AGPAT5: variants seen among roughly 807,000 people sequenced by gnomAD.
AGPAT5 encodes the protein 1-acylglycerol-3-phosphate O-acyltransferase 5, also known as 1-acyl-sn-glycerol-3-phosphate acyltransferase epsilon.
In AGPAT5, 46 loss-of-function variants were observed where a neutral mutation model predicts 45.6. The observed-to-expected ratio is 1.01, with a 90% CI of 0.80 to 1.29. The LOEUF (loss-of-function observed/expected upper bound fraction) is 1.29. AGPAT5 is among the 50% of genes most tolerant of loss of function. The pLI, the probability that AGPAT5 is intolerant of heterozygous loss-of-function variation, is 0.00. For missense variants in AGPAT5, 673 were observed against 450.7 expected (o/e 1.49, Z -4.47); for synonymous variants, 272 against 167.0 (o/e 1.63, Z -4.85).
chr8:6,731,447 A>G (rs965491661), intron 3 of AGPAT5, among the ~76,000 whole-genome samples: 1 of 152,226 alleles, frequency 6.6e-6, no homozygotes, highest in Non-Finnish European at 1.5e-5. Flanking sequence ...TCTCTAGATT[A>G]CTTATAATAT....
chr8:6,718,048 T>C (rs998987554), intron 1 of AGPAT5, among the ~76,000 whole-genome samples: 3 of 152,210 alleles, frequency 2.0e-5, no homozygotes, highest in Admixed American at 1.3e-4. Flanking sequence ...TGGAATACTT[T>C]TTGTCATGCT....
chr8:6,717,853 T>C (rs1309496615), intron 1 of AGPAT5, among the ~76,000 whole-genome samples: 1 of 152,266 alleles, frequency 6.6e-6, no homozygotes, highest in Non-Finnish European at 1.5e-5. Context: ...AAGCTTCTAA[T>C]ATATGAGAAG....
chr8:6,728,769 T>G (rs1800771797), intron 2 of AGPAT5, among the ~76,000 whole-genome samples: 1 of 152,226 alleles, frequency 6.6e-6, no homozygotes, highest in Non-Finnish European at 1.5e-5. Flanking sequence ...GTCTGCTTAC[T>G]TTTGCATTTG....
chr8:6,748,270 A>G (rs1801545634), intron 6 of AGPAT5, among the ~76,000 whole-genome samples: 1 of 152,088 alleles, frequency 6.6e-6, no homozygotes, highest in African/African-American at 2.4e-5. Flanking sequence ...TTTTTCCCCA[A>G]ACATGTTAGG....
At chr8:6,751,023 A>C (rs1297713458) in intron 6 of AGPAT5, among the ~76,000 whole-genome samples, 1 of 149,594 alleles carries the variant, frequency 6.7e-6, no homozygotes, top group Admixed American at 6.7e-5. Context: ...GCTTGAAAAA[A>C]CTCTGCTTTC....
rs955806081 is a variant in AGPAT5, at chr8:6,760,542, A to G, written c.*3154A>G. ...TTTGTGTGTATAATTGCAAGCGCATAGTAAAATAATTTTAACCTTAATTTG... is the reference window on the plus strand; with the variant it reads ...TTTGTGTGTATAATTGCAAGCGCATGGTAAAATAATTTTAACCTTAATTTG... On this transcript the variant is annotated 3_prime_UTR_variant, in exon 8 of 8. Transcript: ENST00000285518. Among the ~76,000 whole-genome samples the G allele has an allele frequency of 6.6e-6, 1 of 152,276 alleles. No homozygotes were observed. Among genetic ancestry groups the G allele is most frequent in the African/African-American group, 2.4e-5 (1 of 41,480 alleles).
chr8:6,757,306 C>T lies in AGPAT5; in HGVS notation c.1013C>T (p.Thr338Ile), dbSNP rs1801877992. ...LSGLTAGMLM[T>I]DAGRKLYVNT... ...GGTTTGACTGCAGGCATGCTTATGA[C>T]CGATGCTGGAAGGAAGCTGTATGTG... Residue 338 changes from threonine (T) to isoleucine (I), a missense_variant, in exon 8 of 8, where the codon ACC (threonine) becomes ATC (isoleucine). Coordinates refer to ENST00000285518, the MANE Select transcript of AGPAT5 (RefSeq NM_018361.5). 2 of 1,614,050 alleles carry T rather than the reference C, an allele frequency of 1.2e-6. No individual in the cohort carries two copies. Among genetic ancestry groups the T allele is most frequent in the African/African-American group, 1.3e-5 (1 of 74,920 alleles).
chr8:6,754,595 G>A (rs1411808155), intron 6 of AGPAT5, among the ~76,000 whole-genome samples: 3 of 152,072 alleles, frequency 2.0e-5, no homozygotes, highest in South Asian at 2.1e-4. Flanking sequence ...GCTTCCTCTC[G>A]GCCCCTGTGG....
Position 6,724,875 on chromosome 8 carries a change from G to A in AGPAT5, c.225G>A (p.Leu75=), listed in dbSNP as rs765469380. The A allele has an allele frequency of 6.9e-6, 7 of 1,017,786 alleles. No individual in the cohort carries two copies. In the East Asian group the frequency reaches 2.1e-4, roughly 31 times the overall value. The allele number at this position is 1,017,786 out of a possible 1,614,324, so 63.0% of individuals were successfully genotyped here. A position where few individuals can be genotyped will look rare whatever the true frequency, so the allele number is the denominator to read the frequency against. Residue 75 remains leucine (L), a synonymous_variant, in exon 2 of 8, where the codon TTG becomes TTA. Transcript: ENST00000285518. ...TTTTTTGTTTTATCTTTTAGATATTGCTATATGGAGATTTGCCAAAAAATA... is the reference window on the plus strand; with the variant it reads ...TTTTTTGTTTTATCTTTTAGATATTACTATATGGAGATTTGCCAAAAAATA... ...FFENYTGVQI[L]LYGDLPKNKE... is the part of the protein sequence containing the mutation.
Position 6,747,756 on chromosome 8 carries a change from A to T in AGPAT5, c.673A>T (p.Ile225Phe). The T allele has an allele frequency of 6.2e-7, 1 of 1,614,194 alleles. No individual in the cohort carries two copies. Among genetic ancestry groups the T allele is most frequent in the Non-Finnish European group, 8.5e-7 (1 of 1,180,028 alleles). ...FDCMKNYLDAIYDVTVVYEGK... is the reference protein window; with the variant it reads ...FDCMKNYLDAFYDVTVVYEGK... ...TTGCATGAAGAATTATTTAGATGCA[A>T]TTTATGATGTTACGGTGGTTTATGA... The change falls in exon 6 of 8, where the codon ATT becomes TTT. Residue 225 changes from isoleucine to phenylalanine, a missense_variant. Transcript: ENST00000285518.
chr8:6,725,311 G>A (rs1800649517), intron 2 of AGPAT5, among the ~76,000 whole-genome samples: 1 of 152,208 alleles, frequency 6.6e-6, no homozygotes. Flanking sequence ...CTAAGCTGCA[G>A]AAAAGCTGTA....
Position 6,757,730 on chromosome 8 carries a change from T to C in AGPAT5, c.*342T>C, listed in dbSNP as rs373971203. 1.8e-3 allele frequency: 322 copies of C among 183,512 alleles called. 9 individuals carry two copies. In the South Asian group the frequency reaches 0.049, roughly 28 times the overall value. 11.4% of individuals were successfully genotyped at this position (183,512 alleles called of 1,614,324 possible). A position where few individuals can be genotyped will look rare whatever the true frequency, so the allele number is the denominator to read the frequency against. ...CATTTTTGAGCATTAATTTGCAGCG[T>C]ATTTCACTTTTTCTGTTATTTTCAA... On this transcript the variant is annotated 3_prime_UTR_variant, in exon 8 of 8. Transcript: ENST00000285518.
chr8:6,729,856 G>C (rs1383224096), intron 2 of AGPAT5, among the ~76,000 whole-genome samples: 1 of 152,010 alleles, frequency 6.6e-6, no homozygotes, highest in East Asian at 1.9e-4. Context: ...ATAGTTATTA[G>C]CAGTCTGAGA....
intron 4 of AGPAT5, among the ~76,000 whole-genome samples, chr8:6,734,182 C>T (rs1206532150): frequency 6.6e-6 from 1 of 151,680 alleles, no homozygotes; most frequent in African/African-American, 2.4e-5. Context: ...CCCAGTCTTT[C>T]TTCTCCAGTT....
intron 1 of AGPAT5, among the ~76,000 whole-genome samples, chr8:6,722,673 C>T (rs1800543414): frequency 6.6e-6 from 1 of 152,134 alleles, no homozygotes; most frequent in Non-Finnish European, 1.5e-5. Flanking sequence ...TGAAACTGGT[C>T]CGCATCTAAT....
chr8:6,734,784 C>A (rs1800988014), intron 4 of AGPAT5, among the ~76,000 whole-genome samples: 1 of 151,944 alleles, frequency 6.6e-6, no homozygotes, highest in Admixed American at 6.6e-5. Context: ...GGAGTGGAGT[C>A]AGTCCACTGA....
intron 4 of AGPAT5, among the ~76,000 whole-genome samples, chr8:6,740,316 G>C (rs1416058478): frequency 6.6e-6 from 1 of 151,762 alleles, no homozygotes; most frequent in African/African-American, 2.4e-5. Context: ...ATGAATGTGT[G>C]GTGTTTGGAA....
intron 5 of AGPAT5, among the ~76,000 whole-genome samples, chr8:6,742,236 A>T (rs1315235117): frequency 6.6e-6 from 1 of 152,176 alleles, no homozygotes; most frequent in African/African-American, 2.4e-5. Flanking sequence ...CTGTGTGAGG[A>T]TTAGATTAGA....
chr8:6,730,892 G>A (rs1269287960), intron 3 of AGPAT5, 66 bp downstream of exon 3: 2 of 927,882 alleles, frequency 2.2e-6, no homozygotes, highest in African/African-American at 1.9e-5. Context: ...TTTTTTTGGA[G>A]ACAGTCTCAC....
Sources: allele counts gnomAD v4.1 joint callset (sites outside exome capture counted in the v4.1 genomes callset), GRCh38; gene constraint gnomAD v4.1.1; transcripts MANE v1.5; gene names NCBI Gene and HGNC (gene_info 2026-07-23, HGNC 2026-07-21).